TFAP2B: variants seen among roughly 807,000 people sequenced by gnomAD.
TFAP2B encodes transcription factor AP-2-beta.
A neutral mutation model predicts 44.3 loss-of-function variants in TFAP2B; 9 were observed. That is an observed-to-expected ratio of 0.20 (90% CI 0.12 to 0.35). The LOEUF is 0.35. TFAP2B is among the 10% of genes least tolerant of loss of function. TFAP2B has a pLI of 1.00. For missense variants in TFAP2B, 509 were observed against 600.0 expected, an observed-to-expected ratio of 0.85 and a Z score of 1.59; for synonymous variants, 270 against 263.8, an observed-to-expected ratio of 1.02 and a Z score of -0.23.
chr6:50,821,193 G>A (rs1281982464), intron 1 of TFAP2B, among the ~76,000 whole-genome samples: 2 of 152,306 alleles, frequency 1.3e-5, no homozygotes, highest in Admixed American at 6.5e-5. Flanking sequence ...GATTGATGGC[G>A]TATGTTTTAA....
chr6:50,821,134 T>C (rs1770332624), intron 1 of TFAP2B, among the ~76,000 whole-genome samples: 1 of 152,218 alleles, frequency 6.6e-6, no homozygotes, highest in African/African-American at 2.4e-5. Context: ...AAAAAGGTTT[T>C]CTGTTGCCCC....
At chr6:50,822,670 G>A (rs1301639615) in intron 1 of TFAP2B, among the ~76,000 whole-genome samples, 1 of 152,134 alleles carries the variant, frequency 6.6e-6, no homozygotes, top group Non-Finnish European at 1.5e-5. Context: ...TAGAAAAACA[G>A]TCTTAGAAAT....
At position 50,843,529 on chromosome 6, in the gene TFAP2B, A is replaced by G. The variant is rs543173953; in HGVS notation, c.*137A>G. On this transcript the variant is annotated 3_prime_UTR_variant, in exon 7 of 7. Transcript: ENST00000393655. ...AGAATACACATACAATCAAAATTTT[A>G]AAAAAAAAAGCTAAATAACTTAAAA... 4 of 887,232 alleles carry G rather than the reference A, an allele frequency of 4.5e-6. No homozygotes were observed. The highest frequency in any genetic ancestry group is 6.6e-6 in the Non-Finnish European group (4 of 601,912). 55.0% of individuals were successfully genotyped at this position (887,232 alleles called of 1,614,324 possible). A position where few individuals can be genotyped will look rare whatever the true frequency, so the allele number is the denominator to read the frequency against.
chr6:50,824,752 A>C (rs1770457510), intron 2 of TFAP2B, among the ~76,000 whole-genome samples: 1 of 152,244 alleles, frequency 6.6e-6, no homozygotes, highest in Admixed American at 6.5e-5. Context: ...TGCAGTCTAC[A>C]CAATGGAGCC....
intron 5 of TFAP2B, among the ~76,000 whole-genome samples, chr6:50,839,761 G>GGGT (rs550294167): frequency 2.2e-4 from 33 of 152,172 alleles, no homozygotes; most frequent in Non-Finnish European, 4.7e-4. Flanking sequence ...GCAAGATGAT[G>GGGT]GTCACTTTTA....
rs140849621 is a variant in TFAP2B, at chr6:50,843,140, G to A, written c.1131G>A (p.Pro377=). Residue 377 remains proline, a synonymous_variant, in exon 7 of 7, where the codon CCG becomes CCA. Transcript: ENST00000393655. ...ATCTACTGGCGCAGGACCGGACACC[G>A]ATAGGGAACAGCCGACCCAGCCCCA... ...FTDLLAQDRT[P]IGNSRPSPIL... 2.4e-5 allele frequency: 38 copies of A among 1,614,242 alleles called. No individual in the cohort carries two copies. The African/African-American group carries it at 4.0e-4, about 17-fold the overall frequency.
intron 3 of TFAP2B, among the ~76,000 whole-genome samples, chr6:50,830,035 G>A (rs868406679): frequency 1.2e-4 from 18 of 152,098 alleles, no homozygotes; most frequent in African/African-American, 3.9e-4. Context: ...CCCAGGCTCG[G>A]TGCTTAAATT....
In TFAP2B at chr6:50,831,135, A is replaced by T. The variant is rs558225888; in HGVS notation, c.601+2456A>T. Among the ~76,000 whole-genome samples, 71 of 152,240 alleles carry T rather than the reference A, an allele frequency of 4.7e-4. No individual in the cohort carries two copies. In the South Asian group the frequency reaches 5.8e-3, roughly 12 times the overall value. On this transcript the variant is annotated intron_variant, in intron 3 of 6. Transcript: ENST00000393655. ...TAAAATTTAACCAATCTAATTTTTC[A>T]CCTGTGTTTATGTCACCCCATAGAT...
intron 3 of TFAP2B, among the ~76,000 whole-genome samples, chr6:50,833,899 T>C (rs1581822203): frequency 6.6e-6 from 1 of 152,230 alleles, no homozygotes; most frequent in East Asian, 1.9e-4. Flanking sequence ...AAAAATATTC[T>C]AAATAGTATT....
In TFAP2B at chr6:50,826,566, AGCGCGCGCGC is replaced by A. The variant is rs547861744; in HGVS notation, c.541-2041_541-2032del. Among the ~76,000 whole-genome samples, 67 of 143,998 alleles carry A rather than the reference AGCGCGCGCGC, an allele frequency of 4.7e-4. No individual in the cohort carries two copies. The East Asian group carries it at 0.011, about 24-fold the overall frequency. 94.5% of individuals were successfully genotyped at this position (143,998 alleles called of 152,430 possible). On this transcript the variant is annotated intron_variant, in intron 2 of 6. Transcript: ENST00000393655. ...TGCTACATTTCACCCATTGTGCATG[AGCGCGCGCGC>A]GCGCGCGCGCGTGTGTGTGTGTGTC... is the stretch of plus-strand genomic sequence containing the variant.
rs762104453 is a variant in TFAP2B at position 50,836,018 on chromosome 6, C to T, written c.602-43C>T. 5 of 1,496,364 alleles carry T rather than the reference C, an allele frequency of 3.3e-6. No homozygotes were observed. In the African/African-American group the frequency reaches 5.5e-5, roughly 17 times the overall value. 92.7% of individuals were successfully genotyped at this position (1,496,364 alleles called of 1,614,324 possible). On this transcript the variant is annotated intron_variant, in intron 3 of 6. Coordinates refer to ENST00000393655, the MANE Select transcript of TFAP2B (RefSeq NM_003221.4). ...CATTCTATCAGCCGGTCATCAGGAT[C>T]GAAACTTGGTCACCTTTATGGCAAT...
Position 50,823,839 on chromosome 6 carries a change from G to A in TFAP2B, c.514G>A (p.Gly172Ser). The A allele has an allele frequency of 6.4e-7, 1 of 1,560,300 alleles. No homozygotes were observed. Among genetic ancestry groups the A allele is most frequent in the South Asian group, 1.2e-5 (1 of 85,616 alleles). Reference protein sequence around the residue: ...MGDSLSLHGLGHPGMEDVQSV... With the variant: ...MGDSLSLHGLSHPGMEDVQSV... Reference sequence around the variant, plus strand: ...TGACAGCCTCTCGCTGCACGGCCTCGGCCATCCCGGAATGGAAGACGTCCA... The same window carrying A: ...TGACAGCCTCTCGCTGCACGGCCTCAGCCATCCCGGAATGGAAGACGTCCA... Residue 172 changes from glycine (G) to serine (S), a missense_variant, in exon 2 of 7, where the codon GGC (glycine) becomes AGC (serine). Transcript: ENST00000393655.
Position 50,823,543 on chromosome 6 carries a change from C to G in TFAP2B, c.218C>G (p.Pro73Arg), listed in dbSNP as rs80338910. The change falls in exon 2 of 7, where the codon CCC becomes CGC. Residue 73 changes from proline to arginine, a missense_variant. Physicochemically the swap from Pro to Arg is moderately radical, Grantham distance 103. Transcript: ENST00000393655. ...SDFQPPYFPP[P>R]YQPLPYHQSQ... Reference sequence around the variant, plus strand: ...TTCCAGCCGCCCTACTTCCCACCCCCCTACCAGCCGCTCCCCTACCACCAG... The same window carrying G: ...TTCCAGCCGCCCTACTTCCCACCCCGCTACCAGCCGCTCCCCTACCACCAG... 6.2e-7 allele frequency: 1 copy of G among 1,614,058 alleles called. No individual in the cohort carries two copies. Among genetic ancestry groups the G allele is most frequent in the Non-Finnish European group, 8.5e-7 (1 of 1,180,000 alleles).
chr6:50,843,528 T>TAA lies in TFAP2B; in HGVS notation c.*145_*146dup, dbSNP rs969233204. 12 of 800,412 alleles carry TAA rather than the reference T, an allele frequency of 1.5e-5. No individual in the cohort carries two copies. Among genetic ancestry groups the TAA allele is most frequent in the African/African-American group, 8.8e-5 (5 of 56,944 alleles). 49.6% of individuals were successfully genotyped at this position (800,412 alleles called of 1,614,324 possible). The stretch of plus-strand genomic sequence containing the variant: ...TAGAATACACATACAATCAAAATTT[T>TAA]AAAAAAAAAAGCTAAATAACTTAAA... On this transcript the variant is annotated 3_prime_UTR_variant, in exon 7 of 7. Transcript: ENST00000393655.
At chr6:50,828,875 C>G (rs1313720179) in intron 3 of TFAP2B, among the ~76,000 whole-genome samples, 196 bp downstream of exon 3, 1 of 152,156 alleles carries the variant, frequency 6.6e-6, no homozygotes, top group African/African-American at 2.4e-5. Context: ...ATGAAAACAT[C>G]AGACACAAAT....
intron 1 of TFAP2B, among the ~76,000 whole-genome samples, chr6:50,821,532 C>T (rs1248326069): frequency 2.0e-5 from 3 of 152,184 alleles, no homozygotes; most frequent in African/African-American, 7.2e-5. Context: ...CCCTCACTGC[C>T]TTATCCAAAG....
In TFAP2B at chr6:50,847,497, A is replaced by G. The variant is rs1762873888; in HGVS notation, c.*4105A>G. ...TAAAAAACCTCTTGACCCTAGATAGAATCCTATCTGAATTTTTCTGTTCTT... is the reference window on the plus strand; with the variant it reads ...TAAAAAACCTCTTGACCCTAGATAGGATCCTATCTGAATTTTTCTGTTCTT... On this transcript the variant is annotated 3_prime_UTR_variant, in exon 7 of 7. Coordinates refer to ENST00000393655, the MANE Select transcript of TFAP2B (RefSeq NM_003221.4). 6.6e-6 allele frequency: 1 copy of G among 152,642 alleles called. No homozygotes were observed. Among genetic ancestry groups the G allele is most frequent in the Admixed American group, 6.5e-5 (1 of 15,282 alleles). 9.5% of individuals were successfully genotyped at this position (152,642 alleles called of 1,614,324 possible).
chr6:50,822,558 C>T (rs1293742640), intron 1 of TFAP2B, among the ~76,000 whole-genome samples: 3 of 152,174 alleles, frequency 2.0e-5, no homozygotes, highest in African/African-American at 7.2e-5. Context: ...ACTTAGTTCA[C>T]ACTCCAGATA....
upstream of TFAP2B, chr6:50,818,735 C>A (rs756014463): frequency 1.1e-5 from 7 of 651,270 alleles, no homozygotes; most frequent in Middle Eastern, 6.7e-4. Context: ...TTTCTCTTTG[C>A]TGAGGCTTAC....
Sources: gnomAD v4.1 joint callset for allele counts (sites outside exome capture counted in the v4.1 genomes callset) on GRCh38, gnomAD v4.1.1 for gene constraint, MANE v1.5 for transcripts, NCBI Gene and HGNC (gene_info 2026-07-23, HGNC 2026-07-21) for gene names.